GRIN2B: variants seen among roughly 807,000 people sequenced by gnomAD.
GRIN2B encodes the protein glutamate receptor ionotropic, NMDA 2B.
GRIN2B carries 5 observed loss-of-function variants against 114.5 expected under a neutral mutation model. That is an observed-to-expected ratio of 0.04 (90% CI 0.02 to 0.09). The LOEUF is 0.09. Ranked by LOEUF, GRIN2B falls within the 10% of genes least tolerant of loss-of-function variation. The pLI is 1.00. For synonymous variants in GRIN2B, 787 were observed against 745.1 expected (o/e 1.06, Z -0.92); for missense variants, 1,108 against 1,943.5 (o/e 0.57, Z 8.08).
intron 2 of GRIN2B, among the ~76,000 whole-genome samples, chr12:13,959,356 G>C (rs568415373): frequency 1.3e-5 from 2 of 152,296 alleles, no homozygotes; most frequent in East Asian, 3.9e-4. Context: ...CGCAGGGAGA[G>C]GGAGGTCAGG....
At chr12:13,667,221 C>A (rs1949985116) in intron 5 of GRIN2B, among the ~76,000 whole-genome samples, 1 of 152,094 alleles carries the variant, frequency 6.6e-6, no homozygotes, top group East Asian at 1.9e-4. Flanking sequence ...GATGTAACTA[C>A]CAAAGATAAG....
At chr12:13,960,035 C>T (rs1036283311) in intron 2 of GRIN2B, among the ~76,000 whole-genome samples, 2 of 152,068 alleles carry the variant, frequency 1.3e-5, no homozygotes, top group Non-Finnish European at 2.9e-5. Flanking sequence ...CTCAGCAATG[C>T]TGACATTTTG....
intron 3 of GRIN2B, among the ~76,000 whole-genome samples, chr12:13,839,633 G>A (rs1334363287): frequency 6.6e-6 from 1 of 152,184 alleles, no homozygotes; most frequent in African/African-American, 2.4e-5. Flanking sequence ...AGGTCATGCA[G>A]CTGGCAAGAG....
chr12:13,818,791 A>C (rs921912509), intron 3 of GRIN2B, among the ~76,000 whole-genome samples: 3 of 152,222 alleles, frequency 2.0e-5, no homozygotes, highest in Non-Finnish European at 4.4e-5. Context: ...TGGAGCCTTC[A>C]TGAGTGTTTC....
At chr12:13,601,603 AC>A (rs1949162901) in intron 10 of GRIN2B, among the ~76,000 whole-genome samples, 1 of 152,008 alleles carries the variant, frequency 6.6e-6, no homozygotes, top group Non-Finnish European at 1.5e-5. Flanking sequence ...ATACAATTCA[AC>A]CCACTTCAGG....
intron 3 of GRIN2B, among the ~76,000 whole-genome samples, chr12:13,783,191 T>C (rs530658044): frequency 1.9e-4 from 29 of 152,288 alleles, no homozygotes; most frequent in Admixed American, 6.5e-4. Flanking sequence ...TTCAACTCTC[T>C]TCCAGATGAA....
At chr12:13,857,328 A>G (rs1168428400) in intron 3 of GRIN2B, among the ~76,000 whole-genome samples, 2 of 152,032 alleles carry the variant, frequency 1.3e-5, no homozygotes, top group East Asian at 1.9e-4. Flanking sequence ...GCCACTTAAC[A>G]TGCCGGTTCT....
At chr12:13,922,081 A>G (rs1866833038) in intron 2 of GRIN2B, among the ~76,000 whole-genome samples, 1 of 152,190 alleles carries the variant, frequency 6.6e-6, no homozygotes, top group African/African-American at 2.4e-5. Flanking sequence ...CAAGCAAAGT[A>G]CCTAGTAAGG....
chr12:13,748,700 A>G (rs894695916), intron 4 of GRIN2B, among the ~76,000 whole-genome samples: 2 of 152,208 alleles, frequency 1.3e-5, no homozygotes, highest in Non-Finnish European at 2.9e-5. Context: ...GTCTTGGGCT[A>G]TAGTATAGGG....
chr12:13,847,300 G>A (rs1111202), intron 3 of GRIN2B, among the ~76,000 whole-genome samples: 144,187 of 152,192 alleles, frequency 0.95, 68,792 homozygotes, highest in East Asian at 1. Context: ...ATATGGATGG[G>A]GAAGGTGGCT....
chr12:13,800,197 A>G (rs910338338), intron 3 of GRIN2B, among the ~76,000 whole-genome samples: 21 of 152,172 alleles, frequency 1.4e-4, no homozygotes, highest in African/African-American at 4.8e-4. Flanking sequence ...TGACTAACCT[A>G]CAGCTGTGCT....
Position 13,753,439 on chromosome 12 carries a change from T to G in GRIN2B, c.888A>C (p.Gly296=). 1.2e-6 allele frequency: 2 copies of G among 1,614,012 alleles called. No homozygotes were observed. Among genetic ancestry groups the G allele is most frequent in the Non-Finnish European group, 1.7e-6 (2 of 1,179,878 alleles). ...AAGCAGCAGTGGTGATTATGGCAAT[T>G]CCATCTCTCACTCTGGCGGGGAGGC... ...DYGLPARVRD[G]IAIITTAASD... The change falls in exon 4 of 14, where the codon GGA becomes GGC. Residue 296 remains glycine, a synonymous_variant. Coordinates refer to ENST00000609686, the MANE Select transcript of GRIN2B (RefSeq NM_000834.5). The surrounding 1 kb of genome is among the most constrained non-coding windows in gnomAD (Gnocchi z 6.2).
intron 4 of GRIN2B, among the ~76,000 whole-genome samples, chr12:13,717,566 G>A (rs1410881966): frequency 6.6e-6 from 1 of 151,912 alleles, no homozygotes; most frequent in Non-Finnish European, 1.5e-5. Context: ...CACAGAATCT[G>A]TACCGAGTAG....
At chr12:13,800,906 G>C (rs1390166617) in intron 3 of GRIN2B, among the ~76,000 whole-genome samples, 1 of 152,172 alleles carries the variant, frequency 6.6e-6, no homozygotes, top group Non-Finnish European at 1.5e-5. Flanking sequence ...AATGATGTAA[G>C]ATGCTAGGTC....
chr12:13,643,810 C>A (rs1949740468), intron 5 of GRIN2B, among the ~76,000 whole-genome samples: 1 of 152,114 alleles, frequency 6.6e-6, no homozygotes, highest in South Asian at 2.1e-4. Flanking sequence ...AAAACACTTT[C>A]TTTGCTCATC....
chr12:13,634,340 C>T (rs74802747), intron 5 of GRIN2B: 10,708 of 152,286 alleles, frequency 0.07, 504 homozygotes, highest in East Asian at 0.16. Flanking sequence ...AACAAATAGT[C>T]TGTGAAATGT....
chr12:13,946,635 A>C (rs909213910), intron 2 of GRIN2B, among the ~76,000 whole-genome samples: 29 of 152,094 alleles, frequency 1.9e-4, no homozygotes, highest in Non-Finnish European at 4.3e-4. Context: ...TTCTGGATTG[A>C]GATAGTGTTA....
At chr12:13,634,783 A>C (rs1179688367) in intron 5 of GRIN2B, among the ~76,000 whole-genome samples, 3 of 151,358 alleles carry the variant, frequency 2.0e-5, no homozygotes, top group Non-Finnish European at 4.5e-5. Flanking sequence ...TTATTTACAC[A>C]TGTGTTGTTT....
At chr12:13,751,099 CAGAG>C (rs1424977019) in intron 4 of GRIN2B, among the ~76,000 whole-genome samples, 1 of 152,020 alleles carries the variant, frequency 6.6e-6, no homozygotes, top group Non-Finnish European at 1.5e-5. Context: ...AAGTTTAAGA[CAGAG>C]AGAGGAAAGA....
Sources: gnomAD v4.1 joint callset for allele counts (sites outside exome capture counted in the v4.1 genomes callset) on GRCh38, gnomAD v4.1.1 for gene constraint, Gnocchi (gnomAD v3.1) non-coding constraint, MANE v1.5 for transcripts, NCBI Gene and HGNC (gene_info 2026-07-23, HGNC 2026-07-21) for gene names.